The following ELAVL4 variants were observed in gnomAD, a reference collection of about 807,000 sequenced individuals.
ELAVL4 encodes ELAV like RNA binding protein 4, also known as ELAV-like protein 4.
A neutral mutation model predicts 35.6 loss-of-function variants in ELAVL4; 1 was observed. That is an observed-to-expected ratio of 0.03 (90% CI 0.01 to 0.13). The LOEUF is 0.13. Among genes scored for constraint, ELAVL4 ranks in the 10% least tolerant of loss-of-function variants. The pLI is 1.00. For synonymous variants in ELAVL4, 156 were observed against 171.0 expected (o/e 0.91, Z 0.69); for missense variants, 267 against 464.9 (o/e 0.57, Z 3.91).
intron 2 of ELAVL4, among the ~76,000 whole-genome samples, chr1:50,162,830 T>G (rs1205279858): frequency 6.6e-6 from 1 of 151,956 alleles, no homozygotes; most frequent in Non-Finnish European, 1.5e-5. Flanking sequence ...GTGATCCACC[T>G]GCCTTGGCCT....
chr1:50,106,040 C>G (rs1239707881), upstream of ELAVL4: 1 of 365,110 alleles, frequency 2.7e-6, no homozygotes, highest in East Asian at 4.0e-5. Flanking sequence ...CCTTTTTTTC[C>G]GCCTCATGGA....
At chr1:50,102,564 T>C (rs993567767), upstream of ELAVL4, among the ~76,000 whole-genome samples, 2 of 152,142 alleles carry the variant, frequency 1.3e-5, no homozygotes, top group African/African-American at 4.8e-5. Flanking sequence ...AGAATTTTTT[T>C]AAATTCCATA....
At position 50,109,110 on chromosome 1, in the gene ELAVL4, T is replaced by C; in HGVS notation, c.-80T>C. On this transcript the variant is annotated 5_prime_UTR_variant, in exon 1 of 7. Coordinates refer to ENST00000371824, the MANE Select transcript of ELAVL4 (RefSeq NM_001144774.3). ...AATTATATATAACAATAGTAGTCAT[T>C]TTAAATATATATTCTGAAATCTTTG... 6.8e-7 allele frequency: 1 copy of C among 1,461,014 alleles called. No homozygotes were observed. The highest frequency in any genetic ancestry group is 2.8e-5 in the East Asian group (1 of 35,176). The allele number at this position is 1,461,014 out of a possible 1,614,324, so 90.5% of individuals were successfully genotyped here.
intron 1 of ELAVL4, among the ~76,000 whole-genome samples, chr1:50,143,932 C>A (rs1436126280): frequency 6.6e-6 from 1 of 152,162 alleles, no homozygotes; most frequent in Non-Finnish European, 1.5e-5. Context: ...GTTTGTCATT[C>A]CATACAGGGC....
intron 1 of ELAVL4, among the ~76,000 whole-genome samples, chr1:50,121,165 T>C (rs1331098593): frequency 6.6e-6 from 1 of 152,072 alleles, no homozygotes; most frequent in African/African-American, 2.4e-5. Flanking sequence ...AGAGTTAGAC[T>C]TGTGGATCTT....
At position 50,082,633 on chromosome 1, in the gene ELAVL4, G is replaced by C. The variant is rs544549853; in HGVS notation, c.18+34451G>C. The stretch of plus-strand genomic sequence containing the variant: ...TCTCCTATTCTGTAAGTTGGACTAG[G>C]ACAACTTTTTATAGAAGTCATGATT... On this transcript the variant is annotated intron_variant, in intron 1 of 6. Coordinates refer to the ELAVL4 transcript ENST00000448907. Among the ~76,000 whole-genome samples the C allele has an allele frequency of 1.4e-3, 210 of 152,080 alleles. 1 individual carries two copies. Among genetic ancestry groups the C allele is most frequent in the African/African-American group, 4.8e-3 (200 of 41,518 alleles).
chr1:50,166,610 A>C (rs765394210), intron 2 of ELAVL4, among the ~76,000 whole-genome samples: 24 of 152,190 alleles, frequency 1.6e-4, no homozygotes, highest in Non-Finnish European at 4.4e-5. Flanking sequence ...GGAATGACCC[A>C]AACCTTCATT....
rs1666744808 is a variant in ELAVL4 at position 50,109,754 on chromosome 1, CAA to C, written c.9+558_9+559del. ...TCAGTAAATGCTGCATCTTGTATTT[CAA>C]AGAGTTTCCTGTCATGACCTCATAA... On this transcript the variant is annotated intron_variant, in intron 1 of 6. Coordinates refer to ENST00000371824, the MANE Select transcript of ELAVL4 (RefSeq NM_001144774.3). 5 of 651,818 alleles carry C rather than the reference CAA, an allele frequency of 7.7e-6. No individual in the cohort carries two copies. In the Admixed American group the frequency reaches 1.4e-4, roughly 18 times the overall value. The allele number at this position is 651,818 out of a possible 1,614,324, so 40.4% of individuals were successfully genotyped here.
intron 1 of ELAVL4, among the ~76,000 whole-genome samples, chr1:50,061,838 T>C (rs1177254205): frequency 6.6e-6 from 1 of 152,232 alleles, no homozygotes; most frequent in East Asian, 1.9e-4. Flanking sequence ...CCTCATAGTC[T>C]GAGACTCTGT....
intron 1 of ELAVL4, among the ~76,000 whole-genome samples, chr1:50,067,218 A>T (rs963134592): frequency 2.0e-5 from 3 of 152,150 alleles, no homozygotes; most frequent in Admixed American, 6.5e-5. Context: ...TAATTCTTAA[A>T]AGGAAGCAAC....
upstream of ELAVL4, chr1:50,105,542 C>T (rs1172842729): frequency 6.6e-6 from 1 of 152,062 alleles, no homozygotes; most frequent in Non-Finnish European, 1.5e-5. Flanking sequence ...TCACATTTTA[C>T]ACCCAAAAGC....
chr1:50,068,578 G>A (rs1016039779), intron 1 of ELAVL4, among the ~76,000 whole-genome samples: 2 of 152,226 alleles, frequency 1.3e-5, no homozygotes, highest in Non-Finnish European at 2.9e-5. Flanking sequence ...ATCTGCCTCA[G>A]TGTCTGGCAT....
rs1181852797 is a variant in ELAVL4, at chr1:50,051,472, AT to A, written c.18+3293del. Reference sequence around the variant, plus strand: ...ATTAGAGTACTGAATAGTATTGCTGATTTATTGGACATTTTAATTTTTATTC... The same window carrying A: ...ATTAGAGTACTGAATAGTATTGCTGATTATTGGACATTTTAATTTTTATTC... On this transcript the variant is annotated intron_variant, in intron 1 of 6. Transcript: ENST00000448907. Among the ~76,000 whole-genome samples the A allele has an allele frequency of 1.1e-4, 16 of 152,292 alleles. No homozygotes were observed. In the East Asian group the frequency reaches 2.9e-3, roughly 28 times the overall value.
In ELAVL4 at chr1:50,201,265, G is replaced by C; in HGVS notation, c.*87G>C. On this transcript the variant is annotated 3_prime_UTR_variant, in exon 7 of 7. Coordinates refer to ENST00000371824, the MANE Select transcript of ELAVL4 (RefSeq NM_001144774.3). The surrounding 1 kb of genome is among the most constrained non-coding windows in gnomAD (Gnocchi z 4.3). ...CACACACACACATACACGAAAGAGA[G>C]AGAAACAAACTTTTCAAGGCTTATA... The C allele has an allele frequency of 2.1e-6, 3 of 1,402,168 alleles. No individual in the cohort carries two copies. Among genetic ancestry groups the C allele is most frequent in the South Asian group, 1.7e-5 (1 of 59,144 alleles). The allele number at this position is 1,402,168 out of a possible 1,614,324, so 86.9% of individuals were successfully genotyped here. A position where few individuals can be genotyped will look rare whatever the true frequency, so the allele number is the denominator to read the frequency against.
intron 1 of ELAVL4, among the ~76,000 whole-genome samples, chr1:50,116,384 C>G (rs964267482): frequency 1.4e-5 from 2 of 147,838 alleles, no homozygotes; most frequent in African/African-American, 5.1e-5. Context: ...TCATATACAT[C>G]TAAATACTGT....
intron 1 of ELAVL4, among the ~76,000 whole-genome samples, chr1:50,122,646 C>G (rs1669226669): frequency 6.6e-6 from 1 of 152,082 alleles, no homozygotes; most frequent in African/African-American, 2.4e-5. Context: ...CTCAAGAACT[C>G]AAATTGTAAA....
At chr1:50,107,945 A>G (rs927225099), upstream of ELAVL4, among the ~76,000 whole-genome samples, 1 of 152,194 alleles carries the variant, frequency 6.6e-6, no homozygotes, top group African/African-American at 2.4e-5. Context: ...GAGGCCAAAG[A>G]AAAAAAGACA....
intron 3 of ELAVL4, among the ~76,000 whole-genome samples, chr1:50,183,327 G>A (rs182303505): frequency 6.6e-6 from 1 of 152,282 alleles, no homozygotes; most frequent in Admixed American, 6.5e-5. Flanking sequence ...CTGGGATGAA[G>A]GGGTAAAAGA....
chr1:50,164,284 G>A (rs1276026994), intron 2 of ELAVL4, among the ~76,000 whole-genome samples: 1 of 152,118 alleles, frequency 6.6e-6, no homozygotes, highest in Non-Finnish European at 1.5e-5. Flanking sequence ...AGCATCCTCA[G>A]ACAAATAGTA....
Sources: gnomAD v4.1 joint callset for allele counts (sites outside exome capture counted in the v4.1 genomes callset) on GRCh38, gnomAD v4.1.1 for gene constraint, Gnocchi (gnomAD v3.1) non-coding constraint, MANE v1.5 for transcripts, NCBI Gene and HGNC (gene_info 2026-07-23, HGNC 2026-07-21) for gene names.